Variants in PDE11A observed in about 807,000 individuals in gnomAD.
The protein encoded by PDE11A is phosphodiesterase 11A.
Under a neutral mutation model 100.5 loss-of-function variants are expected in PDE11A, and 100 were observed. The observed-to-expected ratio is 1.00, with a 90% confidence interval of 0.85 to 1.18. The LOEUF (loss-of-function observed/expected upper bound fraction) is 1.18, where lower values mean the gene tolerates loss of function less well. Ranked by LOEUF, PDE11A falls within the 50% of genes most tolerant of loss-of-function variation. The probability of loss-of-function intolerance (pLI) is 0.00; values close to 1 mark genes in which losing one functional copy is unlikely to be tolerated. For missense variants in PDE11A, 1,141 were observed against 1,152.6 expected, an observed-to-expected ratio of 0.99 and a Z score of 0.15; for synonymous variants, 381 against 420.8, an observed-to-expected ratio of 0.91 and a Z score of 1.16.
chr2:177,763,398 C>A (rs1415579687), intron 10 of PDE11A, among the ~76,000 whole-genome samples: 1 of 152,154 alleles, frequency 6.6e-6, no homozygotes, highest in Non-Finnish European at 1.5e-5. Context: ...TAGAAATGAC[C>A]CGAGATGCAC....
intron 15 of PDE11A, among the ~76,000 whole-genome samples, chr2:177,686,194 A>G (rs1239326859): frequency 1.3e-5 from 2 of 152,298 alleles, no homozygotes; most frequent in Admixed American, 6.5e-5. Flanking sequence ...AGGTTTGATT[A>G]TGTTCTTAAG....
chr2:177,871,667 G>A (rs2084138979), intron 5 of PDE11A, among the ~76,000 whole-genome samples: 1 of 151,696 alleles, frequency 6.6e-6, no homozygotes, highest in African/African-American at 2.4e-5. Context: ...AGACCAGCCT[G>A]GGCAACACAG....
At chr2:178,002,532 G>T (rs12987515) in intron 2 of PDE11A, among the ~76,000 whole-genome samples, 15,240 of 152,204 alleles carry the variant, frequency 0.1, 1,056 homozygotes, top group Non-Finnish European at 0.15. Context: ...TAGGAAAGTA[G>T]CCAGCTTCCA....
At chr2:178,086,901 A>C (rs2087364692) in intron 2 of PDE11A, among the ~76,000 whole-genome samples, 1 of 152,212 alleles carries the variant, frequency 6.6e-6, no homozygotes, top group Non-Finnish European at 1.5e-5. Context: ...TCTCAACTTT[A>C]AAATGAGCAA....
At chr2:177,681,571 G>A (rs1329646968) in intron 15 of PDE11A, among the ~76,000 whole-genome samples, 1 of 152,196 alleles carries the variant, frequency 6.6e-6, no homozygotes, top group African/African-American at 2.4e-5. Context: ...CATGTGGAAA[G>A]CATGTAGCAT....
intron 19 of PDE11A, among the ~76,000 whole-genome samples, chr2:177,660,043 C>T (rs2105472978): frequency 1.3e-4 from 1 of 7,482 alleles, no homozygotes; most frequent in Non-Finnish European, 4.6e-4. Context: ...TTCTTTCTTT[C>T]TTTCTTTCTT....
chr2:177,860,556 A>G (rs570212388), intron 5 of PDE11A, among the ~76,000 whole-genome samples: 126 of 151,954 alleles, frequency 8.3e-4, no homozygotes, highest in Middle Eastern at 3.4e-3. Flanking sequence ...TCAGTCCTTA[A>G]CAAACTCTTA....
intron 2 of PDE11A, among the ~76,000 whole-genome samples, chr2:177,950,466 G>A (rs2085492917): frequency 6.6e-6 from 1 of 152,108 alleles, no homozygotes; most frequent in African/African-American, 2.4e-5. Flanking sequence ...AAATCTCCCT[G>A]AAGTCACAGG....
intron 4 of PDE11A, among the ~76,000 whole-genome samples, chr2:177,881,038 A>C (rs960977204): frequency 6.6e-6 from 1 of 152,192 alleles, no homozygotes; most frequent in Non-Finnish European, 1.5e-5. Flanking sequence ...CAATAAATTG[A>C]GTAAAGAAGA....
chr2:178,030,761 C>T (rs2105840671), intron 1 of PDE11A, among the ~76,000 whole-genome samples: 1 of 152,148 alleles, frequency 6.6e-6, no homozygotes, highest in East Asian at 1.9e-4. Context: ...GCCTGTAGTC[C>T]CAGCTACTTG....
chr2:177,896,066 G>A (rs2084606862), intron 4 of PDE11A, among the ~76,000 whole-genome samples: 1 of 152,122 alleles, frequency 6.6e-6, no homozygotes, highest in South Asian at 2.1e-4. Context: ...ATGATGAGGA[G>A]TGGTTCAGAA....
At chr2:177,795,853 G>T (rs1483029205) in intron 9 of PDE11A, among the ~76,000 whole-genome samples, 1 of 148,598 alleles carries the variant, frequency 6.7e-6, no homozygotes, top group Admixed American at 6.8e-5. Flanking sequence ...CTTTCAGGTG[G>T]TTAGGGAGGG....
chr2:178,035,770 C>T (rs2086605954), intron 1 of PDE11A, among the ~76,000 whole-genome samples: 1 of 152,088 alleles, frequency 6.6e-6, no homozygotes, highest in South Asian at 2.1e-4. Flanking sequence ...GAACCAATGA[C>T]AAAAACCACA....
At chr2:178,104,340 G>A in exon 2 of PDE11A, 5 of 1,614,032 alleles carry the variant, frequency 3.1e-6, no homozygotes, top group Non-Finnish European at 4.2e-6. Context: ...AAATCCTGGT[G>A]CTTTTCCTGT....
chr2:177,741,388 C>T (rs904802648), intron 10 of PDE11A, among the ~76,000 whole-genome samples: 2 of 152,280 alleles, frequency 1.3e-5, no homozygotes, highest in East Asian at 3.9e-4. Context: ...TCTTTAAAAC[C>T]CCTATCTCCA....
At chr2:177,921,381 C>T (rs2085042151) in intron 2 of PDE11A, among the ~76,000 whole-genome samples, 1 of 150,950 alleles carries the variant, frequency 6.6e-6, no homozygotes, top group African/African-American at 2.4e-5. Flanking sequence ...CCCAGAGACA[C>T]ATTTCCTATT....
chr2:177,765,302 A>G (rs558768171), intron 10 of PDE11A, among the ~76,000 whole-genome samples: 10 of 152,366 alleles, frequency 6.6e-5, no homozygotes, highest in African/African-American at 1.9e-4. Flanking sequence ...AATGATTATT[A>G]AAAGATTCAC....
chr2:178,009,238 G>A (rs953697966), intron 2 of PDE11A, among the ~76,000 whole-genome samples: 3 of 152,086 alleles, frequency 2.0e-5, no homozygotes, highest in Admixed American at 6.5e-5. Context: ...TGACTTAATT[G>A]AATGCAAAGA....
chr2:177,754,223 A>G (rs926853105), intron 10 of PDE11A, among the ~76,000 whole-genome samples: 1 of 152,210 alleles, frequency 6.6e-6, no homozygotes, highest in African/African-American at 2.4e-5. Context: ...GGTCCACTGG[A>G]GGGAAAGACT....
Sources: gnomAD v4.1 joint callset for allele counts (sites outside exome capture counted in the v4.1 genomes callset) on GRCh38, gnomAD v4.1.1 for gene constraint, MANE v1.5 for transcripts, NCBI Gene and HGNC (gene_info 2026-07-23, HGNC 2026-07-21) for gene names.